The following KCNK1 variants were observed in gnomAD, a reference collection of about 807,000 sequenced individuals.
The protein encoded by KCNK1 is potassium two pore domain channel subfamily K member 1, also known as potassium channel subfamily K member 1.
KCNK1 carries 10 observed loss-of-function variants against 22.2 expected under a neutral mutation model. That is an observed-to-expected ratio of 0.45 (90% CI 0.28 to 0.76). KCNK1 has a LOEUF of 0.76. KCNK1 is among the 30% of genes least tolerant of loss of function. The probability of loss-of-function intolerance (pLI) is 0.14; values close to 1 mark genes in which losing one functional copy is unlikely to be tolerated. For synonymous variants in KCNK1, 200 were observed against 186.4 expected (o/e 1.07, Z -0.60); for missense variants, 378 against 421.0 (o/e 0.90, Z 0.89).
rs374027908 is a variant in KCNK1, at chr1:233,627,240, A to G, written c.355+12714A>G. 3.9e-5 allele frequency among the ~76,000 whole-genome samples: 6 copies of G among 152,256 alleles called. No homozygotes were observed. The East Asian group carries it at 7.7e-4, about 20-fold the overall frequency. On this transcript the variant is annotated intron_variant, in intron 1 of 2. Transcript: ENST00000366621. ...TATTGATCATCTAAACATCTTCTTT[A>G]TTTCCCTCAAATACTGTATTTTTTA... is the stretch of plus-strand genomic sequence containing the variant.
intron 1 of KCNK1, among the ~76,000 whole-genome samples, chr1:233,638,665 G>A (rs1657953178): frequency 6.6e-6 from 1 of 152,200 alleles, no homozygotes; most frequent in Non-Finnish European, 1.5e-5. Flanking sequence ...GGGCTGAGTG[G>A]CCATATTGCA....
intron 2 of KCNK1, among the ~76,000 whole-genome samples, chr1:233,670,334 A>G (rs1268578425): frequency 2.0e-5 from 3 of 152,220 alleles, no homozygotes; most frequent in African/African-American, 7.2e-5. Context: ...TTTAGGTGCA[A>G]GTGTAGATAG....
At chr1:233,622,565 TG>T (rs1191306842) in intron 1 of KCNK1, among the ~76,000 whole-genome samples, 4 of 152,194 alleles carry the variant, frequency 2.6e-5, no homozygotes, top group Admixed American at 6.5e-5. Flanking sequence ...CCTTATTTTT[TG>T]TTCAATCCCC....
chr1:233,670,883 G>A (rs1658584534), intron 2 of KCNK1, among the ~76,000 whole-genome samples: 1 of 152,122 alleles, frequency 6.6e-6, no homozygotes, highest in South Asian at 2.1e-4. Flanking sequence ...AACATCACTG[G>A]CTTTTTGTGA....
chr1:233,627,309 T>C (rs1196933283), intron 1 of KCNK1, among the ~76,000 whole-genome samples: 3 of 152,222 alleles, frequency 2.0e-5, no homozygotes, highest in Non-Finnish European at 2.9e-5. Flanking sequence ...ATAAAGTGTT[T>C]TAAACTAGAA....
chr1:233,650,159 A>G lies in KCNK1; in HGVS notation c.356-16436A>G, dbSNP rs937952050. On this transcript the variant is annotated intron_variant, in intron 1 of 2. Coordinates refer to ENST00000366621, the MANE Select transcript of KCNK1 (RefSeq NM_002245.4). ...TAATCATTAGAATTTACCAGCATCTACTGATAAGAATGTGATCTTGGTGAG... is the reference window on the plus strand; with the variant it reads ...TAATCATTAGAATTTACCAGCATCTGCTGATAAGAATGTGATCTTGGTGAG... 4 of 411,356 alleles carry G rather than the reference A, an allele frequency of 9.7e-6. No homozygotes were observed. The East Asian group carries it at 2.8e-4, about 29-fold the overall frequency. 25.5% of individuals were successfully genotyped at this position (411,356 alleles called of 1,614,324 possible). A position where few individuals can be genotyped will look rare whatever the true frequency, so the allele number is the denominator to read the frequency against.
chr1:233,658,379 GCTTA>G (rs988106961), intron 1 of KCNK1, among the ~76,000 whole-genome samples: 14 of 152,262 alleles, frequency 9.2e-5, no homozygotes, highest in African/African-American at 3.4e-4. Context: ...TGGCCAAATT[GCTTA>G]CTTTAAAATT....
At chr1:233,637,444 A>C (rs1304029430) in intron 1 of KCNK1, 1 of 152,210 alleles carries the variant, frequency 6.6e-6, no homozygotes, top group Admixed American at 6.5e-5. Context: ...GGTAAGGAAA[A>C]TTAGAAACAA....
At chr1:233,626,531 C>T (rs192434593) in intron 1 of KCNK1, among the ~76,000 whole-genome samples, 9 of 152,150 alleles carry the variant, frequency 5.9e-5, no homozygotes, top group South Asian at 2.1e-4. Context: ...TCACACACAT[C>T]GATTAACTCA....
Position 233,667,632 on chromosome 1 carries a change from A to T in KCNK1, c.751+642A>T, listed in dbSNP as rs1057159314. ...GTAGTCCCAGCTACTCGGGAGGCTG[A>T]GGCAGGAGAATGGCGTGAACCCGGG... On this transcript the variant is annotated intron_variant, in intron 2 of 2. Coordinates refer to ENST00000366621, the MANE Select transcript of KCNK1 (RefSeq NM_002245.4). Among the ~76,000 whole-genome samples the T allele has an allele frequency of 2.7e-5, 4 of 146,616 alleles. No homozygotes were observed. In the Admixed American group the frequency reaches 2.8e-4, roughly 10 times the overall value.
At chr1:233,662,238 C>CCTTCTTCTTCTTCTT (rs147341553) in intron 1 of KCNK1, among the ~76,000 whole-genome samples, 82 of 149,572 alleles carry the variant, frequency 5.5e-4, no homozygotes, top group Middle Eastern at 3.4e-3. Flanking sequence ...TTCTTCTTCT[C>CCTTCTTCTTCTTCTT]CTTCTTCTTC....
intron 1 of KCNK1, among the ~76,000 whole-genome samples, chr1:233,661,526 C>T (rs151256289): frequency 6.6e-4 from 101 of 152,294 alleles, no homozygotes; most frequent in African/African-American, 2.3e-3. Context: ...CCACTTGCAC[C>T]TGCCATGACT....
At chr1:233,660,255 C>G (rs990127010) in intron 1 of KCNK1, among the ~76,000 whole-genome samples, 1 of 152,114 alleles carries the variant, frequency 6.6e-6, no homozygotes, top group Non-Finnish European at 1.5e-5. Flanking sequence ...GTTGGACATC[C>G]TATCTTACTT....
At chr1:233,655,905 A>T (rs701233) in intron 1 of KCNK1, 13 of 140,632 alleles carry the variant, frequency 9.2e-5, no homozygotes, top group South Asian at 2.1e-4. Context: ...GTAAAGTGGG[A>T]AAAAAAAAAA....
In KCNK1 at chr1:233,614,576, C is replaced by T. The variant is rs368761901; in HGVS notation, c.355+50C>T. On this transcript the variant is annotated intron_variant, in intron 1 of 2. Coordinates refer to ENST00000366621, the MANE Select transcript of KCNK1 (RefSeq NM_002245.4). Reference sequence around the variant, plus strand: ...GCCGCCCCGGCCACCTCGCCCACAACCCACACACCCCGGCCCCGGCGCCCC... The same window carrying T: ...GCCGCCCCGGCCACCTCGCCCACAATCCACACACCCCGGCCCCGGCGCCCC... 60 of 1,421,500 alleles carry T rather than the reference C, an allele frequency of 4.2e-5. 1 individual carries two copies. The African/African-American group carries it at 5.5e-4, about 13-fold the overall frequency. 88.1% of individuals were successfully genotyped at this position (1,421,500 alleles called of 1,614,324 possible). A position where few individuals can be genotyped will look rare whatever the true frequency, so the allele number is the denominator to read the frequency against.
intron 1 of KCNK1, among the ~76,000 whole-genome samples, chr1:233,627,875 G>A (rs1179953128): frequency 1.3e-5 from 2 of 152,208 alleles, no homozygotes; most frequent in Non-Finnish European, 2.9e-5. Context: ...AGCAATATTT[G>A]CTCTTTCAGC....
chr1:233,634,100 G>A (rs1657855132), intron 1 of KCNK1, among the ~76,000 whole-genome samples: 1 of 152,028 alleles, frequency 6.6e-6, no homozygotes, highest in Non-Finnish European at 1.5e-5. Flanking sequence ...AAGGTCAGGA[G>A]TTTGAGACCA....
At chr1:233,637,137 A>G (rs567042877) in intron 1 of KCNK1, among the ~76,000 whole-genome samples, 24 of 143,216 alleles carry the variant, frequency 1.7e-4, no homozygotes, top group African/African-American at 6.2e-4. Context: ...CGGAGGTTGT[A>G]GTGAGCCAAG....
At chr1:233,670,714 A>T (rs1658582063) in intron 2 of KCNK1, among the ~76,000 whole-genome samples, 1 of 152,136 alleles carries the variant, frequency 6.6e-6, no homozygotes, top group African/African-American at 2.4e-5. Context: ...CCAACAACAC[A>T]TGGGAATTCA....
Sources: gnomAD v4.1 joint callset for allele counts (sites outside exome capture counted in the v4.1 genomes callset) on GRCh38, gnomAD v4.1.1 for gene constraint, MANE v1.5 for transcripts, NCBI Gene and HGNC (gene_info 2026-07-23, HGNC 2026-07-21) for gene names.